The following FCGR3B variants were observed in gnomAD, a reference collection of about 807,000 sequenced individuals.
The protein encoded by FCGR3B is low affinity immunoglobulin gamma Fc region receptor III-B.
In FCGR3B, 20 loss-of-function variants were observed where a neutral mutation model predicts 26.7. The ratio of observed to expected loss-of-function variants is 0.75; its 90% CI spans 0.53 to 1.09. FCGR3B has a LOEUF of 1.09. Among genes scored for constraint, FCGR3B ranks in the 50% least tolerant of loss-of-function variants. The probability of loss-of-function intolerance (pLI) is 0.00; values close to 1 mark genes in which losing one functional copy is unlikely to be tolerated. For missense variants in FCGR3B, 191 were observed against 279.7 expected (o/e 0.68, Z 2.26); for synonymous variants, 79 against 107.0 (o/e 0.74, Z 1.62).
chr1:161,631,264 G>A (rs184933850), upstream of FCGR3B: 349 of 1,471,580 alleles, frequency 2.4e-4, 7 homozygotes, highest in Non-Finnish European at 3.1e-4. Flanking sequence ...CTGAAGTCTC[G>A]CAATGGAGCC....
chr1:161,631,652 A>T (rs1442552481), upstream of FCGR3B, among the ~76,000 whole-genome samples: 1 of 132,052 alleles, frequency 7.6e-6, no homozygotes, highest in Admixed American at 8.1e-5. Flanking sequence ...CTGCCTCAAT[A>T]TTATCTCCAC....
intron 3 of FCGR3B, among the ~76,000 whole-genome samples, chr1:161,627,018 A>C (rs2102589844): frequency 6.7e-6 from 1 of 150,162 alleles, no homozygotes; most frequent in South Asian, 2.1e-4. Flanking sequence ...GGCCTCGGTG[A>C]GACCAACTTT....
At chr1:161,630,215 A>G in intron 2 of FCGR3B, 153 bp downstream of exon 2, 1 of 863,632 alleles carries the variant, frequency 1.2e-6, no homozygotes, top group Non-Finnish European at 1.8e-6. Context: ...CTGGCCAGAG[A>G]AGCACAGGGC....
At position 161,626,258 on chromosome 1, in the gene FCGR3B, G is replaced by A. The variant is rs1443742064; in HGVS notation, c.464C>T (p.Ser155Phe). ...TGTGGCTTTTGGAATGTGGAAGTCA[G>A]AATTATGATGAAAATACTTCCTGTC... The part of the protein sequence containing the change: ...GKDRKYFHHN[S>F]DFHIPKATLK... Residue 155 changes from serine to phenylalanine, a missense_variant, in exon 4 of 5, where the codon TCT (serine) becomes TTT (phenylalanine). Ser to Phe is a radical substitution (Grantham distance 155, BLOSUM62 -2). This residue lies in a region of FCGR3B where 103 missense variants were observed against 114.5 expected (regional missense o/e 0.90). Transcript: ENST00000650385. 7.5e-6 allele frequency: 12 copies of A among 1,608,608 alleles called. No individual in the cohort carries two copies. Among genetic ancestry groups the A allele is most frequent in the African/African-American group, 1.4e-5 (1 of 73,460 alleles).
Position 161,624,306 on chromosome 1 carries a change from A to T in FCGR3B, c.*209T>A. ...TTCCCTTCCACTGGAGACCAAGGAAAAATCGAGAGTTGGATAAAGGATCTG... is the reference window on the plus strand; with the variant it reads ...TTCCCTTCCACTGGAGACCAAGGAATAATCGAGAGTTGGATAAAGGATCTG... On this transcript the variant is annotated 3_prime_UTR_variant, in exon 5 of 5. Coordinates refer to ENST00000650385, the MANE Select transcript of FCGR3B (RefSeq NM_001244753.2). 4.9e-6 allele frequency: 3 copies of T among 610,202 alleles called. 1 individual carries two copies. In the East Asian group the frequency reaches 8.6e-5, roughly 18 times the overall value. The allele number at this position is 610,202 out of a possible 1,614,324, so 37.8% of individuals were successfully genotyped here.
At position 161,626,305 on chromosome 1, in the gene FCGR3B, G is replaced by A. The variant is rs1679460403; in HGVS notation, c.417C>T (p.Val139=). Residue 139 remains valine, a synonymous_variant, in exon 4 of 5, where the codon GTC becomes GTT. Transcript: ENST00000650385. ...HSWKNTALHK[V]TYLQNGKDRK... is the part of the protein sequence containing the mutation. The stretch of plus-strand genomic sequence containing the variant: ...TGTCTTTGCCATTCTGTAAATATGT[G>A]ACCTTATGCAGAGCAGTGTTCTTCC... 6.2e-7 allele frequency: 1 copy of A among 1,608,832 alleles called. No individual in the cohort carries two copies. The highest frequency in any genetic ancestry group is 8.5e-7 in the Non-Finnish European group (1 of 1,177,836).
chr1:161,625,851 G>A, intron 4 of FCGR3B, among the ~76,000 whole-genome samples: 1 of 146,880 alleles, frequency 6.8e-6, no homozygotes, highest in South Asian at 2.2e-4. Context: ...GTGTGATTAG[G>A]GTAAGGAAAG....
upstream of FCGR3B, chr1:161,631,585 G>C: frequency 2.8e-6 from 1 of 353,474 alleles, no homozygotes; most frequent in Non-Finnish European, 4.9e-6. Flanking sequence ...CTCCAGCCGA[G>C]GCCCTGCCTG....
At position 161,624,103 on chromosome 1, in the gene FCGR3B, G is replaced by C. The variant is rs192152686; in HGVS notation, c.*412C>G. On this transcript the variant is annotated 3_prime_UTR_variant, in exon 5 of 5. Transcript: ENST00000650385. ...ATTTTCTTTTTTTCCCTCTAAACTG[G>C]GTAATTTATAATACGAGCAATTTTT... is the stretch of plus-strand genomic sequence containing the variant. 4 of 167,906 alleles carry C rather than the reference G, an allele frequency of 2.4e-5. No homozygotes were observed. Among genetic ancestry groups the C allele is most frequent in the Admixed American group, 2.4e-4 (4 of 16,940 alleles). The allele number at this position is 167,906 out of a possible 1,614,324, so 10.4% of individuals were successfully genotyped here. A position where few individuals can be genotyped will look rare whatever the true frequency, so the allele number is the denominator to read the frequency against.
At position 161,630,002 on chromosome 1, in the gene FCGR3B, G is replaced by A; in HGVS notation, c.95C>T (p.Pro32Leu). The A allele has an allele frequency of 7.2e-7, 1 of 1,387,648 alleles. No individual in the cohort carries two copies. The highest frequency in any genetic ancestry group is 9.6e-7 in the Non-Finnish European group (1 of 1,041,844). 86.0% of individuals were successfully genotyped at this position (1,387,648 alleles called of 1,614,324 possible). The change falls in exon 3 of 5, where the codon CCT becomes CTT. Residue 32 changes from proline (P) to leucine (L), a missense_variant. Pro to Leu is a moderately conservative substitution (Grantham distance 98). Coordinates refer to ENST00000650385, the MANE Select transcript of FCGR3B (RefSeq NM_001244753.2). ...CTTCTCAAGCACGCTGTACCATTGA[G>A]GCTCCAGGAACACCACAGCCTTTGG... is the stretch of plus-strand genomic sequence containing the variant. The part of the protein sequence containing the change: ...DLPKAVVFLE[P>L]QWYSVLEKDS...
At position 161,627,298 on chromosome 1, in the gene FCGR3B, C is replaced by T. The variant is rs1020765600; in HGVS notation, c.320-896G>A. Among the ~76,000 whole-genome samples the T allele has an allele frequency of 5.3e-5, 8 of 150,234 alleles. 1 individual carries two copies. Among genetic ancestry groups the T allele is most frequent in the Admixed American group, 5.3e-4 (8 of 15,058 alleles). Reference sequence around the variant, plus strand: ...CAGAAAAAAGAAGGATATGCACTTACATATTAACAGGGGTTTTCTCTGAAG... The same window carrying T: ...CAGAAAAAAGAAGGATATGCACTTATATATTAACAGGGGTTTTCTCTGAAG... On this transcript the variant is annotated intron_variant, in intron 3 of 4. Transcript: ENST00000650385.
chr1:161,631,898 A>G (rs1570990271), upstream of FCGR3B: 1 of 144,376 alleles, frequency 6.9e-6, no homozygotes, highest in Admixed American at 7.0e-5. Context: ...TCCTCGTGTT[A>G]CCCAGGTCCT....
At chr1:161,630,992 G>C in intron 1 of FCGR3B, 63 bp downstream of exon 1, 1 of 1,525,380 alleles carries the variant, frequency 6.6e-7, no homozygotes, top group Non-Finnish European at 8.8e-7. Context: ...AGCCTGAAAA[G>C]GGGTGTCTGA....
intron 2 of FCGR3B, 113 bp downstream of exon 2, chr1:161,630,255 C>G (rs1679672007): frequency 9.3e-7 from 1 of 1,078,368 alleles, no homozygotes; most frequent in East Asian, 2.5e-5. Context: ...GGAACTATCC[C>G]TGCTAACCCC....
intron 3 of FCGR3B, among the ~76,000 whole-genome samples, chr1:161,627,292 C>G (rs564153982): frequency 6.7e-6 from 1 of 150,118 alleles, no homozygotes; most frequent in Non-Finnish European, 1.5e-5. Flanking sequence ...GAAGGATATG[C>G]ACTTACATAT....
rs201601910 is a variant in FCGR3B at position 161,624,518 on chromosome 1, A to G, written c.699T>C (p.Ile233=). 1.5e-4 allele frequency: 239 copies of G among 1,607,084 alleles called. 10 individuals carry two copies. The highest frequency in any genetic ancestry group is 8.4e-5 in the Admixed American group (5 of 59,446). Residue 233 remains isoleucine (I), a synonymous_variant, in exon 5 of 5, where the codon ATT becomes ATC. Coordinates refer to ENST00000650385, the MANE Select transcript of FCGR3B (RefSeq NM_001244753.2). The part of the protein sequence containing the change: ...TGLYFSVKTN[I] ...CCTTCCAGTCTCTTGTTGAGCTTCA[A>G]ATGTTTGTCTTCACAGAGAAATATA...
rs568756065 is a variant in FCGR3B at position 161,624,350 on chromosome 1, C to T, written c.*165G>A. 3.7e-6 allele frequency: 3 copies of T among 803,358 alleles called. No individual in the cohort carries two copies. Among genetic ancestry groups the T allele is most frequent in the Non-Finnish European group, 5.9e-6 (3 of 511,828 alleles). The allele number at this position is 803,358 out of a possible 1,614,324, so 49.8% of individuals were successfully genotyped here. On this transcript the variant is annotated 3_prime_UTR_variant, in exon 5 of 5. Coordinates refer to ENST00000650385, the MANE Select transcript of FCGR3B (RefSeq NM_001244753.2). The stretch of plus-strand genomic sequence containing the variant: ...GGATCTGGCTCTGAGTTCTATGTTT[C>T]CTGCTGCTTGTAGAGAGGCCTGAGG...
intron 4 of FCGR3B, among the ~76,000 whole-genome samples, chr1:161,625,536 T>C (rs1679412303): frequency 7.9e-6 from 1 of 126,252 alleles, no homozygotes; most frequent in Non-Finnish European, 1.7e-5. Context: ...ATATTACCTA[T>C]CTCATGTTGT....
At position 161,631,144 on chromosome 1, in the gene FCGR3B, G is replaced by C. The variant is rs1267706227; in HGVS notation, c.-50C>G. The C allele has an allele frequency of 1.2e-6, 2 of 1,607,798 alleles. No homozygotes were observed. The highest frequency in any genetic ancestry group is 1.7e-6 in the Non-Finnish European group (2 of 1,177,368). ...CACCAAAGATATCCGGAGCCCTAAA[G>C]GGACCAAGCCGACTAGACAGGAGGG... On this transcript the variant is annotated 5_prime_UTR_variant, in exon 1 of 5. Coordinates refer to ENST00000650385, the MANE Select transcript of FCGR3B (RefSeq NM_001244753.2).
Sources: allele counts gnomAD v4.1 joint callset (sites outside exome capture counted in the v4.1 genomes callset), GRCh38; gene constraint gnomAD v4.1.1; regional missense constraint gnomAD v4.1.1; transcripts MANE v1.5; gene names NCBI Gene and HGNC (gene_info 2026-07-23, HGNC 2026-07-21).